The following CELF6 variants were observed in gnomAD, a reference collection of about 807,000 sequenced individuals.
The protein encoded by CELF6 is CUGBP Elav-like family member 6.
CELF6 carries 32 observed loss-of-function variants against 53.1 expected under a neutral mutation model. That is an observed-to-expected ratio of 0.60 (90% CI 0.46 to 0.81). CELF6 has a LOEUF of 0.81. CELF6 is among the 30% of genes least tolerant of loss of function. The pLI is 0.00. For synonymous variants in CELF6, 291 were observed against 288.8 expected (o/e 1.01, Z -0.08); for missense variants, 539 against 669.5 (o/e 0.81, Z 2.15).
chr15:72,313,685 C>A (rs1002838744), intron 2 of CELF6: 23 of 859,976 alleles, frequency 2.7e-5, no homozygotes, highest in Non-Finnish European at 3.2e-5. Flanking sequence ...GTGTCTGCAC[C>A]TTTACCATGC....
intron 2 of CELF6, among the ~76,000 whole-genome samples, chr15:72,312,921 C>T (rs1181310050): frequency 1.3e-5 from 2 of 152,242 alleles, no homozygotes; most frequent in Non-Finnish European, 2.9e-5. Flanking sequence ...ATGGCACAGG[C>T]ATTGCTGGGG....
intron 3 of CELF6, among the ~76,000 whole-genome samples, chr15:72,290,955 T>C (rs930307878): frequency 2.0e-5 from 3 of 152,294 alleles, no homozygotes; most frequent in Non-Finnish European, 2.9e-5. Flanking sequence ...CTACAGTTGC[T>C]GAACCCCTGA....
intron 2 of CELF6, among the ~76,000 whole-genome samples, chr15:72,306,968 G>C (rs1023530033): frequency 6.6e-6 from 1 of 152,032 alleles, no homozygotes; most frequent in East Asian, 1.9e-4. Flanking sequence ...CTGGTGGAGA[G>C]GGGAAGGAAA....
chr15:72,287,337 A>G lies in CELF6; in HGVS notation c.1374T>C (p.Asn458=). The change falls in exon 12 of 13, where the codon AAT becomes AAC. Residue 458 remains asparagine (N), a synonymous_variant. Coordinates refer to ENST00000287202, the MANE Select transcript of CELF6 (RefSeq NM_052840.5). ...TSAQTAIQAM[N]GFQIGMKRLK... is the part of the protein sequence containing the mutation. ...GCCTCTTCATGCCAATTTGAAAGCC[A>G]TTCATCGCCTGAATAGCAGTCTGGG... is the stretch of plus-strand genomic sequence containing the variant. 6.2e-7 allele frequency: 1 copy of G among 1,614,152 alleles called. No individual in the cohort carries two copies.
chr15:72,313,684 C>T, intron 2 of CELF6: 1 of 849,430 alleles, frequency 1.2e-6, no homozygotes. Flanking sequence ...TGTGTCTGCA[C>T]CTTTACCATG....
At chr15:72,304,504 C>T (rs1393589126) in intron 3 of CELF6, among the ~76,000 whole-genome samples, 1 of 152,302 alleles carries the variant, frequency 6.6e-6, no homozygotes, top group Admixed American at 6.5e-5. Flanking sequence ...CCCCCTTTCT[C>T]TATCACTGGC....
At chr15:72,311,207 G>T (rs1004991037) in intron 2 of CELF6, among the ~76,000 whole-genome samples, 6 of 150,702 alleles carry the variant, frequency 4.0e-5, no homozygotes, top group Non-Finnish European at 7.4e-5. Flanking sequence ...CACCATGTTG[G>T]CCAGGCTGGT....
intron 11 of CELF6, among the ~76,000 whole-genome samples, chr15:72,287,765 A>G (rs773134399): frequency 1.5e-4 from 23 of 151,744 alleles, no homozygotes; most frequent in Non-Finnish European, 2.8e-4. Flanking sequence ...CCAGACTCCA[A>G]AGCTCTGACC....
At chr15:72,314,589 G>GATTTTTTTTTTTTTT (rs2088337489) in intron 2 of CELF6, among the ~76,000 whole-genome samples, 1 of 97,858 alleles carries the variant, frequency 1.0e-5, no homozygotes, top group African/African-American at 4.8e-5. Flanking sequence ...AAAACCCAGT[G>GATTTTTTTTTTTTTT]TTTTTTTTTT....
At chr15:72,301,251 C>T (rs2088151836) in intron 3 of CELF6, among the ~76,000 whole-genome samples, 1 of 152,114 alleles carries the variant, frequency 6.6e-6, no homozygotes, top group African/African-American at 2.4e-5. Context: ...GCCTTGGCCT[C>T]CTAAAGTGCT....
In CELF6 at chr15:72,288,970, C is replaced by T. The variant is rs770220302; in HGVS notation, c.1031-40G>A. The T allele has an allele frequency of 3.9e-6, 6 of 1,530,012 alleles. No individual in the cohort carries two copies. Among genetic ancestry groups the T allele is most frequent in the African/African-American group, 1.4e-5 (1 of 72,602 alleles). The allele number at this position is 1,530,012 out of a possible 1,614,324, so 94.8% of individuals were successfully genotyped here. ...GCGCGAGGCCCACAGTGAAGGCAAG[C>T]GGGCGAGCAGAGTGGGTGAGAAGCT... On this transcript the variant is annotated intron_variant, in intron 8 of 12. Coordinates refer to ENST00000287202, the MANE Select transcript of CELF6 (RefSeq NM_052840.5). The surrounding 1 kb of genome is among the most constrained non-coding windows in gnomAD (Gnocchi z 4.6).
rs529461473 is a variant in CELF6 at position 72,309,563 on chromosome 15, G to A, written c.346-4769C>T. On this transcript the variant is annotated intron_variant, in intron 2 of 12. Coordinates refer to ENST00000287202, the MANE Select transcript of CELF6 (RefSeq NM_052840.5). ...AGGAACCCAAGAGAGTAAGAACAGA[G>A]TTGGGGAGAGCAGGGCTCTGAGCCT... Among the ~76,000 whole-genome samples the A allele has an allele frequency of 5.5e-4, 84 of 152,288 alleles. 2 individuals are homozygous for A. Among genetic ancestry groups the A allele is most frequent in the Admixed American group, 5.0e-3 (77 of 15,286 alleles).
chr15:72,294,784 G>T (rs1595777566), intron 3 of CELF6, among the ~76,000 whole-genome samples: 1 of 146,200 alleles, frequency 6.8e-6, no homozygotes, highest in Admixed American at 6.9e-5. Context: ...TCAAGACCAG[G>T]CTGGCCAACA....
rs1595789015 is a variant in CELF6, at chr15:72,319,963, A to G, written c.-89T>C. Reference sequence around the variant, plus strand: ...TGGACCGGTGGCGAGGGCCAGGGGGAGGGGGCGGAGCCCGGGCGGAGAGGG... The same window carrying G: ...TGGACCGGTGGCGAGGGCCAGGGGGGGGGGGCGGAGCCCGGGCGGAGAGGG... On this transcript the variant is annotated 5_prime_UTR_variant, in exon 1 of 13. Transcript: ENST00000287202. This position sits in a 1 kb window ranked among gnomAD's most constrained non-coding sequence, Gnocchi z 5.0. 8.4e-7 allele frequency: 1 copy of G among 1,194,382 alleles called. No individual in the cohort carries two copies. The highest frequency in any genetic ancestry group is 1.0e-6 in the Non-Finnish European group (1 of 954,902). 74.0% of individuals were successfully genotyped at this position (1,194,382 alleles called of 1,614,324 possible).
chr15:72,318,099 G>A lies in CELF6; in HGVS notation c.262+1514C>T, dbSNP rs187310769. Among the ~76,000 whole-genome samples, 262 of 152,278 alleles carry A rather than the reference G, an allele frequency of 1.7e-3. 1 individual carries two copies. Among genetic ancestry groups the A allele is most frequent in the Middle Eastern group, 3.4e-3 (1 of 294 alleles). On this transcript the variant is annotated intron_variant, in intron 1 of 12. Transcript: ENST00000287202. ...TTTGTATGTACATCCTGAAATCAAT[G>A]TCTAAAAATAAGAAAATGAGTTACT...
Position 72,319,258 on chromosome 15 carries a change from G to T in CELF6, c.262+355C>A, listed in dbSNP as rs2088397825. ...GTTTGGGCTCAGGGTTTGGGAAATT[G>T]AGGGTATTCGAGATCTAGAAGGTGG... On this transcript the variant is annotated intron_variant, in intron 1 of 12. Coordinates refer to ENST00000287202, the MANE Select transcript of CELF6 (RefSeq NM_052840.5). This position sits in a 1 kb window ranked among gnomAD's most constrained non-coding sequence, Gnocchi z 5.0. 6.6e-6 allele frequency among the ~76,000 whole-genome samples: 1 copy of T among 152,136 alleles called. No individual in the cohort carries two copies. The highest frequency in any genetic ancestry group is 1.5e-5 in the Non-Finnish European group (1 of 68,024).
At chr15:72,307,938 A>G (rs1348476723) in intron 2 of CELF6, among the ~76,000 whole-genome samples, 1 of 150,962 alleles carries the variant, frequency 6.6e-6, no homozygotes, top group Non-Finnish European at 1.5e-5. Context: ...TGGCTAGGGT[A>G]CGGACAGGGA....
At chr15:72,291,023 C>T (rs2087999406) in intron 3 of CELF6, among the ~76,000 whole-genome samples, 2 of 152,188 alleles carry the variant, frequency 1.3e-5, no homozygotes, top group Admixed American at 1.3e-4. Flanking sequence ...TTCTAGTGCC[C>T]TGTCTGTATC....
chr15:72,311,967 G>A (rs2088303345), intron 2 of CELF6, among the ~76,000 whole-genome samples: 1 of 152,338 alleles, frequency 6.6e-6, no homozygotes, highest in South Asian at 2.1e-4. Context: ...ACTTGCAAAA[G>A]CAAATGTACT....
Sources: gnomAD v4.1 joint callset for allele counts (sites outside exome capture counted in the v4.1 genomes callset) on GRCh38, gnomAD v4.1.1 for gene constraint, Gnocchi (gnomAD v3.1) non-coding constraint, MANE v1.5 for transcripts, NCBI Gene and HGNC (gene_info 2026-07-23, HGNC 2026-07-21) for gene names.